The following REEP5 variants were observed in gnomAD, a reference collection of about 807,000 sequenced individuals.
REEP5 encodes receptor expression-enhancing protein 5.
A neutral mutation model predicts 22.4 loss-of-function variants in REEP5; 24 were observed. The observed-to-expected ratio is 1.07, with a 90% CI of 0.78 to 1.51. The LOEUF (loss-of-function observed/expected upper bound fraction) is 1.51, where lower values mean the gene tolerates loss of function less well. Ranked by LOEUF, REEP5 falls within the 40% of genes most tolerant of loss-of-function variation. The pLI, the probability that REEP5 is intolerant of heterozygous loss-of-function variation, is 0.00. For synonymous variants in REEP5, 103 were observed against 88.6 expected (o/e 1.16, Z -0.92); for missense variants, 252 against 233.0 (o/e 1.08, Z -0.53).
intron 2 of REEP5, 30 bp from the exon 3 acceptor site, chr5:112,902,548 A>G: frequency 6.5e-7 from 1 of 1,533,778 alleles, no homozygotes; most frequent in Non-Finnish European, 8.8e-7. Flanking sequence ...AAAGTATATC[A>G]TTTGGTAAGA....
chr5:112,899,321 T>C (rs576449584), intron 3 of REEP5, among the ~76,000 whole-genome samples: 1 of 151,830 alleles, frequency 6.6e-6, no homozygotes, highest in Non-Finnish European at 1.5e-5. Flanking sequence ...TTTAAATTTG[T>C]GTGTGTGGAG....
rs182112652 is a variant in REEP5 at position 112,879,348 on chromosome 5, G to A, written c.521-513C>T. ...TTTGGGGGGGGGGGCTGGGGGGGCG[G>A]TGGGGGAGAGGAGATTAGTTCCAGG... On this transcript the variant is annotated intron_variant, in intron 4 of 4. Coordinates refer to ENST00000379638, the MANE Select transcript of REEP5 (RefSeq NM_005669.5). 4.2e-3 allele frequency among the ~76,000 whole-genome samples: 616 copies of A among 146,902 alleles called. 9 individuals carry two copies. The highest frequency in any genetic ancestry group is 0.015 in the African/African-American group (600 of 40,134).
intron 4 of REEP5, among the ~76,000 whole-genome samples, chr5:112,886,493 C>T (rs916582267): frequency 6.6e-6 from 1 of 152,130 alleles, no homozygotes; most frequent in Non-Finnish European, 1.5e-5. Context: ...CTTTAGTTTT[C>T]TTCTGCAAGT....
At chr5:112,903,665 C>T (rs1041166773) in intron 2 of REEP5, among the ~76,000 whole-genome samples, 1 of 152,204 alleles carries the variant, frequency 6.6e-6, no homozygotes, top group Non-Finnish European at 1.5e-5. Flanking sequence ...AAATCATGCT[C>T]AGTCACTCAC....
chr5:112,892,960 C>T (rs748780794), intron 3 of REEP5: 78 of 1,594,744 alleles, frequency 4.9e-5, no homozygotes, highest in South Asian at 4.2e-4. Flanking sequence ...CCAGGGCCGC[C>T]GGAGCCAGAG....
chr5:112,879,946 G>C (rs911663799), intron 4 of REEP5, among the ~76,000 whole-genome samples: 12 of 151,298 alleles, frequency 7.9e-5, no homozygotes, highest in African/African-American at 2.9e-4. Flanking sequence ...AATTTTAAAA[G>C]CCCATCTCTA....
At chr5:112,886,937 G>C (rs749630382) in intron 4 of REEP5, 78 bp downstream of exon 4, 48 of 1,095,426 alleles carry the variant, frequency 4.4e-5, no homozygotes, top group Non-Finnish European at 6.3e-5. Context: ...AAGACAAGAA[G>C]GCCAGGAAGC....
chr5:112,886,596 C>T (rs576197117), intron 4 of REEP5, among the ~76,000 whole-genome samples: 141 of 152,194 alleles, frequency 9.3e-4, no homozygotes, highest in African/African-American at 3.2e-3. Context: ...AAATTTACTA[C>T]GTAAATGCTT....
At chr5:112,889,866 A>AC (rs1271298462) in intron 3 of REEP5, among the ~76,000 whole-genome samples, 1 of 146,680 alleles carries the variant, frequency 6.8e-6, no homozygotes, top group Non-Finnish European at 1.5e-5. Flanking sequence ...TTGCTCTCTT[A>AC]CCCAGGCTGG....
chr5:112,885,220 G>A (rs533309215), intron 4 of REEP5: 36 of 165,654 alleles, frequency 2.2e-4, no homozygotes, highest in Middle Eastern at 2.0e-3. Context: ...GGGGTGGGGA[G>A]CCCCAAGGAG....
Position 112,877,012 on chromosome 5 carries a change from A to G in REEP5, c.*1774T>C, listed in dbSNP as rs1767915145. ...TGATTTTCATTCTGCCACCAAGAAA[A>G]CTGTACTTTTATTTATGGGAAAAGG... On this transcript the variant is annotated 3_prime_UTR_variant, in exon 5 of 5. Transcript: ENST00000379638. 6.6e-6 allele frequency: 1 copy of G among 152,144 alleles called. No individual in the cohort carries two copies. The highest frequency in any genetic ancestry group is 6.5e-5 in the Admixed American group (1 of 15,274). 9.4% of individuals were successfully genotyped at this position (152,144 alleles called of 1,614,324 possible).
chr5:112,909,061 T>G (rs1393092081), intron 2 of REEP5, among the ~76,000 whole-genome samples: 2 of 151,830 alleles, frequency 1.3e-5, no homozygotes, highest in Non-Finnish European at 2.9e-5. Flanking sequence ...AGTTACTGAT[T>G]ACACTGAACT....
At chr5:112,914,711 A>T in intron 2 of REEP5, among the ~76,000 whole-genome samples, 1 of 152,134 alleles carries the variant, frequency 6.6e-6, no homozygotes, top group Admixed American at 6.5e-5. Flanking sequence ...TTTCCTAGGT[A>T]AAGGAGGGCC....
chr5:112,880,805 G>A (rs1005580221), intron 4 of REEP5, among the ~76,000 whole-genome samples: 2 of 152,176 alleles, frequency 1.3e-5, no homozygotes, highest in Non-Finnish European at 2.9e-5. Flanking sequence ...GCTAAGGGAA[G>A]GGAGAAGAAA....
At chr5:112,899,109 C>T (rs1396055917) in intron 3 of REEP5, among the ~76,000 whole-genome samples, 1 of 152,064 alleles carries the variant, frequency 6.6e-6, no homozygotes, top group Non-Finnish European at 1.5e-5. Flanking sequence ...GACAGGGTCT[C>T]ACTCTGTCAC....
intron 3 of REEP5, among the ~76,000 whole-genome samples, chr5:112,900,938 A>C (rs1768826172): frequency 6.6e-6 from 1 of 151,788 alleles, no homozygotes; most frequent in East Asian, 1.9e-4. Context: ...CCCAGATTCA[A>C]GCAGTTCTCC....
intron 2 of REEP5, among the ~76,000 whole-genome samples, chr5:112,920,251 T>C (rs1769325856): frequency 1.3e-5 from 2 of 152,246 alleles, no homozygotes; most frequent in Admixed American, 1.3e-4. Context: ...AATTCTAGCC[T>C]AACTAGTGAC....
At chr5:112,881,127 T>G (rs1163530604) in intron 4 of REEP5, among the ~76,000 whole-genome samples, 1 of 21,644 alleles carries the variant, frequency 4.6e-5, no homozygotes. Context: ...AGACTCTGTT[T>G]CAAAAAAAAA....
intron 3 of REEP5, chr5:112,895,926 T>A (rs999707254): frequency 2.6e-5 from 4 of 152,188 alleles, no homozygotes; most frequent in African/African-American, 9.6e-5. Context: ...TTAACTGGAC[T>A]CTTGGCACTA....
Sources: gnomAD v4.1 joint callset for allele counts (sites outside exome capture counted in the v4.1 genomes callset) on GRCh38, gnomAD v4.1.1 for gene constraint, MANE v1.5 for transcripts, NCBI Gene and HGNC (gene_info 2026-07-23, HGNC 2026-07-21) for gene names.